TMC5: variants seen among roughly 807,000 people sequenced by gnomAD.
The protein encoded by TMC5 is transmembrane channel like 5.
A neutral mutation model predicts 110.5 loss-of-function variants in TMC5; 86 were observed. The ratio of observed to expected loss-of-function variants is 0.78; its 90% confidence interval spans 0.65 to 0.93. The LOEUF (loss-of-function observed/expected upper bound fraction) is 0.93. Ranked by LOEUF, TMC5 falls within the 40% of genes least tolerant of loss-of-function variation. The pLI, the probability that TMC5 is intolerant of heterozygous loss-of-function variation, is 0.00. For synonymous variants in TMC5, 455 were observed against 439.5 expected (o/e 1.04, Z -0.44); for missense variants, 1,144 against 1,222.8 (o/e 0.94, Z 0.96).
chr16:19,469,520 T>C (rs1968271265), intron 9 of TMC5, among the ~76,000 whole-genome samples, 161 bp from the exon 10 acceptor site: 1 of 152,178 alleles, frequency 6.6e-6, no homozygotes, highest in African/African-American at 2.4e-5. Context: ...AGTGCTTGTT[T>C]AACCACTGTG....
intron 3 of TMC5, among the ~76,000 whole-genome samples, chr16:19,441,898 G>A (rs1175088970): frequency 6.6e-6 from 1 of 152,038 alleles, no homozygotes; most frequent in Non-Finnish European, 1.5e-5. Context: ...CTGCCTCCCG[G>A]GTTCAAGCGA....
intron 4 of TMC5, among the ~76,000 whole-genome samples, chr16:19,445,770 G>A (rs1205566127): frequency 6.6e-6 from 1 of 152,096 alleles, no homozygotes; most frequent in Non-Finnish European, 1.5e-5. Flanking sequence ...TCTGGAAGAA[G>A]GCAGAGAGGA....
At chr16:19,482,958 G>A (rs1438591562) in intron 15 of TMC5, among the ~76,000 whole-genome samples, 1 of 151,952 alleles carries the variant, frequency 6.6e-6, no homozygotes, top group Non-Finnish European at 1.5e-5. Context: ...CCACCTCCCG[G>A]GTTCAAGCAA....
Position 19,494,250 on chromosome 16 carries a change from C to T in TMC5, c.2827-12C>T, listed in dbSNP as rs1968991544. On this transcript the variant is annotated splice_polypyrimidine_tract_variant and intron_variant, in intron 19 of 21. Coordinates refer to ENST00000542583, the MANE Select transcript of TMC5 (RefSeq NM_001261841.2). ...TTTTGTTTCTTTCTGGTTTTGTTTT[C>T]CTTCTTGGTAGGAGGGCAAAGATAA... is the stretch of plus-strand genomic sequence containing the variant. 6.2e-7 allele frequency: 1 copy of T among 1,600,150 alleles called. No homozygotes were observed. The highest frequency in any genetic ancestry group is 8.5e-7 in the Non-Finnish European group (1 of 1,172,100).
chr16:19,477,090 CA>C, intron 12 of TMC5: 29 of 227,518 alleles, frequency 1.3e-4, no homozygotes, highest in South Asian at 3.4e-4. Flanking sequence ...ACTAAAAATA[CA>C]AAAAAAATTA....
At chr16:19,475,103 T>C (rs918901088) in intron 12 of TMC5, among the ~76,000 whole-genome samples, 2 of 152,148 alleles carry the variant, frequency 1.3e-5, no homozygotes, top group Non-Finnish European at 2.9e-5. Flanking sequence ...CCTTACTCGT[T>C]CCTGGTTATG....
At position 19,446,567 on chromosome 16, in the gene TMC5, C is replaced by T. The variant is rs555656911; in HGVS notation, c.958+2317C>T. 6.0e-4 allele frequency among the ~76,000 whole-genome samples: 91 copies of T among 152,362 alleles called. 1 individual carries two copies. The highest frequency in any genetic ancestry group is 5.9e-4 in the Admixed American group (9 of 15,306). On this transcript the variant is annotated intron_variant, in intron 4 of 21. Coordinates refer to ENST00000542583, the MANE Select transcript of TMC5 (RefSeq NM_001261841.2). ...TCTGTACAACTGCCTTTCAGGCAGG[C>T]ACTGCCACTCTCCCTGTTTTAACAG...
intron 4 of TMC5, among the ~76,000 whole-genome samples, chr16:19,448,488 G>A (rs1967669107): frequency 6.6e-6 from 1 of 151,656 alleles, no homozygotes; most frequent in Non-Finnish European, 1.5e-5. Context: ...GCATGGTGGT[G>A]CATGCTTGTA....
At chr16:19,494,772 A>C (rs1217596750) in intron 20 of TMC5, among the ~76,000 whole-genome samples, 1 of 151,916 alleles carries the variant, frequency 6.6e-6, no homozygotes, top group Non-Finnish European at 1.5e-5. Context: ...ATGCCACTGC[A>C]CTCCAGCCTA....
chr16:19,443,382 G>A (rs1967534146), intron 3 of TMC5, among the ~76,000 whole-genome samples: 1 of 152,090 alleles, frequency 6.6e-6, no homozygotes, highest in Non-Finnish European at 1.5e-5. Flanking sequence ...CTTTATGTAT[G>A]AATGTGTCTT....
intron 5 of TMC5, among the ~76,000 whole-genome samples, chr16:19,452,439 G>A (rs1186501732): frequency 1.3e-5 from 2 of 152,140 alleles, no homozygotes; most frequent in African/African-American, 2.4e-5. Flanking sequence ...CTGGATGGCC[G>A]GGCATGGTGG....
At chr16:19,465,774 C>T (rs761633498) in intron 8 of TMC5, among the ~76,000 whole-genome samples, 35 of 152,256 alleles carry the variant, frequency 2.3e-4, no homozygotes, top group Admixed American at 3.9e-4. Context: ...ATACTGGTGA[C>T]AGAGGCACAT....
At chr16:19,451,228 G>A (rs1011339213) in intron 5 of TMC5, among the ~76,000 whole-genome samples, 3 of 152,166 alleles carry the variant, frequency 2.0e-5, no homozygotes, top group African/African-American at 7.2e-5. Flanking sequence ...TGAGCAACAA[G>A]GAATAAAGTA....
intron 12 of TMC5, among the ~76,000 whole-genome samples, chr16:19,475,968 A>G (rs1204784917): frequency 2.0e-5 from 3 of 152,104 alleles, no homozygotes; most frequent in African/African-American, 7.2e-5. Context: ...CCTTGTTCAC[A>G]GTGTCTGGGA....
chr16:19,495,008 A>ATTTTTTTTTTTTTTTTT (rs1226858039), intron 20 of TMC5, among the ~76,000 whole-genome samples: 3 of 37,134 alleles, frequency 8.1e-5, no homozygotes, highest in African/African-American at 3.7e-4. Flanking sequence ...TTCAGTGTCT[A>ATTTTTTTTTTTTTTTTT]TTCTTTTTTT....
At chr16:19,488,671 C>T (rs16972065) in intron 17 of TMC5, among the ~76,000 whole-genome samples, 14,775 of 152,204 alleles carry the variant, frequency 0.097, 769 homozygotes, top group African/African-American at 0.14. Flanking sequence ...TCTCCAAGAT[C>T]TGATCTTCAC....
intron 10 of TMC5, among the ~76,000 whole-genome samples, 177 bp from the exon 11 acceptor site, chr16:19,471,911 C>T (rs1968351420): frequency 6.6e-6 from 1 of 152,174 alleles, no homozygotes; most frequent in Admixed American, 6.5e-5. Context: ...CAGGCATGCA[C>T]CACCACGCCC....
chr16:19,440,200 A>G lies in TMC5; in HGVS notation c.162A>G (p.Pro54=). The G allele has an allele frequency of 1.9e-6, 3 of 1,614,194 alleles. No homozygotes were observed. Among genetic ancestry groups the G allele is most frequent in the Non-Finnish European group, 2.5e-6 (3 of 1,180,026 alleles). The part of the protein sequence containing the change: ...NPDYPGTRSN[P]YSVASRTRPD... ...ACTACCCCGGCACCAGGAGCAATCC[A>G]TACTCTGTAGCCTCCAGAACACGTC... Residue 54 remains proline (P), a synonymous_variant, in exon 3 of 22, where the codon CCA becomes CCG. Coordinates refer to ENST00000542583, the MANE Select transcript of TMC5 (RefSeq NM_001261841.2).
exon 1 of TMC5, chr16:19,410,927 G>C (rs1329038427): frequency 6.6e-6 from 1 of 152,316 alleles, no homozygotes; most frequent in Non-Finnish European, 1.5e-5. Flanking sequence ...AGCACGGGCT[G>C]GGAGCGGGGA....
Sources: gnomAD v4.1 joint callset for allele counts (sites outside exome capture counted in the v4.1 genomes callset) on GRCh38, gnomAD v4.1.1 for gene constraint, MANE v1.5 for transcripts, NCBI Gene and HGNC (gene_info 2026-07-23, HGNC 2026-07-21) for gene names.